The following HSBP1L1 variants were observed in gnomAD, a reference collection of about 807,000 sequenced individuals.
The protein encoded by HSBP1L1 is heat shock factor binding protein 1 like 1.
HSBP1L1 carries 8 observed loss-of-function variants against 9.7 expected under a neutral mutation model. The ratio of observed to expected loss-of-function variants is 0.82; its 90% CI spans 0.48 to 1.48. HSBP1L1 has a LOEUF of 1.48. Among genes scored for constraint, HSBP1L1 ranks in the 40% most tolerant of loss-of-function variants. HSBP1L1 has a pLI of 0.00. For synonymous variants in HSBP1L1, 39 were observed against 34.4 expected, an observed-to-expected ratio of 1.13 and a Z score of -0.46; for missense variants, 106 against 95.8, an observed-to-expected ratio of 1.11 and a Z score of -0.44.
rs1390574065 is a variant in HSBP1L1, at chr18:79,969,317, G to GAA, written c.214-1121_214-1120dup. 8.9e-4 allele frequency among the ~76,000 whole-genome samples: 94 copies of GAA among 105,124 alleles called. 5 individuals carry two copies. The highest frequency in any genetic ancestry group is 3.3e-3 in the African/African-American group (87 of 26,306). The allele number at this position is 105,124 out of a possible 152,430, so 69.0% of individuals were successfully genotyped here. ...GAGGGAGAGAGAGAGAGAAAGGAAA[G>GAA]AAAGAAAGAAAGAAAAAGAAAGAAA... On this transcript the variant is annotated intron_variant, in intron 3 of 3. Transcript: ENST00000451882.
At chr18:79,966,897 C>A in intron 2 of HSBP1L1, 1 of 439,098 alleles carries the variant, frequency 2.3e-6, no homozygotes, top group Non-Finnish European at 4.2e-6. Context: ...GCCTGTAATC[C>A]CAGCACTTTG....
chr18:79,964,840 C>G (rs1394764236), intron 1 of HSBP1L1, 54 bp downstream of exon 1: 2 of 969,502 alleles, frequency 2.1e-6, no homozygotes, highest in African/African-American at 2.2e-5. Context: ...CCCTGCGGTT[C>G]TGGGGGGTTT....
At chr18:79,965,236 C>T (rs1568355216) in intron 1 of HSBP1L1, among the ~76,000 whole-genome samples, 1 of 152,348 alleles carries the variant, frequency 6.6e-6, no homozygotes, top group East Asian at 1.9e-4. Context: ...AATCCTCCCG[C>T]TCCCCAGGCC....
At chr18:79,967,147 C>CAAAAAAAAAAAAAAAAA (rs5826682) in intron 2 of HSBP1L1, among the ~76,000 whole-genome samples, 4 of 105,196 alleles carry the variant, frequency 3.8e-5, no homozygotes, top group African/African-American at 1.5e-4. Flanking sequence ...GACTCCGTCT[C>CAAAAAAAAAAAAAAAAA]AAAAAAAAAA....
chr18:79,964,718 C>A lies in HSBP1L1; in HGVS notation c.-18C>A. ...GGCCCACGGGACCCCCCACTGACGC[C>A]CCCGGCCAGCGGTCCACATGGACGT... On this transcript the variant is annotated 5_prime_UTR_variant, in exon 1 of 4. Transcript: ENST00000451882. 7.1e-7 allele frequency: 1 copy of A among 1,399,540 alleles called. No individual in the cohort carries two copies. The highest frequency in any genetic ancestry group is 9.3e-7 in the Non-Finnish European group (1 of 1,074,144). 86.7% of individuals were successfully genotyped at this position (1,399,540 alleles called of 1,614,324 possible).
In HSBP1L1 at chr18:79,969,295, GGA is replaced by G. The variant is rs60479846; in HGVS notation, c.213+1125_213+1126del. 3.3e-3 allele frequency among the ~76,000 whole-genome samples: 126 copies of G among 38,220 alleles called. 6 individuals carry two copies. Among genetic ancestry groups the G allele is most frequent in the African/African-American group, 0.014 (117 of 8,088 alleles). 25.1% of individuals were successfully genotyped at this position (38,220 alleles called of 152,430 possible). ...GGGAGGGAGGGAGGGAGGGAGGGAGGGAGAGAGAGAGAGAAAGGAAAGAAAGA... is the reference window on the plus strand; with the variant it reads ...GGGAGGGAGGGAGGGAGGGAGGGAGGGAGAGAGAGAGAAAGGAAAGAAAGA... On this transcript the variant is annotated intron_variant, in intron 3 of 3. Transcript: ENST00000451882.
At chr18:79,969,116 G>A (rs1234399469) in intron 3 of HSBP1L1, among the ~76,000 whole-genome samples, 3 of 150,506 alleles carry the variant, frequency 2.0e-5, no homozygotes, top group African/African-American at 7.3e-5. Context: ...GTGAACCCGG[G>A]AGGCAGAGCT....
intron 3 of HSBP1L1, chr18:79,970,038 G>A (rs886269296): frequency 1.7e-5 from 3 of 177,388 alleles, no homozygotes; most frequent in African/African-American, 7.0e-5. Context: ...GAATTCACTA[G>A]GTACCCAGAG....
intron 2 of HSBP1L1, 72 bp from the exon 3 acceptor site, chr18:79,968,017 C>G: frequency 1.1e-6 from 1 of 869,788 alleles, no homozygotes; most frequent in Non-Finnish European, 1.8e-6. Flanking sequence ...GAGGCGGAGT[C>G]TCTGAGGACA....
At chr18:79,969,327 AAGAAAAAG>A (rs1262255892) in intron 3 of HSBP1L1, among the ~76,000 whole-genome samples, 5 of 104,852 alleles carry the variant, frequency 4.8e-5, no homozygotes, top group African/African-American at 1.5e-4. Context: ...GAAAGAAAGA[AAGAAAAAG>A]AAAGAAAGAA....
intron 3 of HSBP1L1, 39 bp from the exon 4 acceptor site, chr18:79,970,401 T>C (rs1317983911): frequency 5.6e-6 from 4 of 718,368 alleles, no homozygotes; most frequent in South Asian, 3.0e-5. Context: ...ATACACCTGA[T>C]AGGAGTTACG....
intron 2 of HSBP1L1, among the ~76,000 whole-genome samples, chr18:79,967,141 C>T (rs1346299859): frequency 9.9e-6 from 1 of 100,988 alleles, no homozygotes; most frequent in Non-Finnish European, 2.2e-5. Context: ...GAGCGAGACT[C>T]CGTCTCAAAA....
At chr18:79,969,250 G>A (rs1313790766) in intron 3 of HSBP1L1, among the ~76,000 whole-genome samples, 1 of 25,142 alleles carries the variant, frequency 4.0e-5, no homozygotes, top group African/African-American at 9.5e-5. Flanking sequence ...GAGAGGAGAG[G>A]AGAGAGAGAG....
intron 1 of HSBP1L1, among the ~76,000 whole-genome samples, chr18:79,966,059 G>C (rs1201714520): frequency 6.6e-6 from 1 of 151,964 alleles, no homozygotes; most frequent in African/African-American, 2.4e-5. Flanking sequence ...AGCCTCCCGA[G>C]TAGCTGGGAC....
chr18:79,967,989 A>C (rs1356597750), intron 2 of HSBP1L1, 100 bp from the exon 3 acceptor site: 1 of 646,584 alleles, frequency 1.5e-6, no homozygotes, highest in Non-Finnish European at 2.7e-6. Flanking sequence ...CTCATTTCAA[A>C]AGTTGCATGT....
intron 1 of HSBP1L1, among the ~76,000 whole-genome samples, chr18:79,966,164 C>T (rs932529556): frequency 6.7e-6 from 1 of 148,938 alleles, no homozygotes; most frequent in African/African-American, 2.4e-5. Context: ...ATCTCCTGAC[C>T]TCCTGATCCA....
At position 79,964,778 on chromosome 18, in the gene HSBP1L1, CG is replaced by C; in HGVS notation, c.46del (p.Asp16ThrfsTer17). On this transcript the variant is annotated frameshift_variant, in exon 1 of 4. Transcript: ENST00000451882. LOFTEE classifies it high-confidence loss of function. The part of the protein sequence containing the change: ...GPEAPGGRAL[R>X]DAAENLFQEL... ...TGAAGCCCCCGGCGGGCGCGCGCTGCGGGACGCGGTGAGCCCCTCCCCGACT... is the reference window on the plus strand; with the variant it reads ...TGAAGCCCCCGGCGGGCGCGCGCTGCGGACGCGGTGAGCCCCTCCCCGACT... 7.1e-7 allele frequency: 1 copy of C among 1,403,256 alleles called. No individual in the cohort carries two copies. Among genetic ancestry groups the C allele is most frequent in the Non-Finnish European group, 9.3e-7 (1 of 1,079,352 alleles). 86.9% of individuals were successfully genotyped at this position (1,403,256 alleles called of 1,614,324 possible).
intron 3 of HSBP1L1, among the ~76,000 whole-genome samples, chr18:79,969,256 G>A (rs2051274754): frequency 4.0e-5 from 1 of 24,756 alleles, no homozygotes; most frequent in Non-Finnish European, 1.1e-4. Context: ...AGAGGAGAGA[G>A]AGAGAGGGAG....
At chr18:79,969,951 G>A (rs1242501794) in intron 3 of HSBP1L1, 1 of 161,866 alleles carries the variant, frequency 6.2e-6, no homozygotes, top group African/African-American at 2.4e-5. Flanking sequence ...CTGTACCTAG[G>A]GGCTTGTCAC....
Sources: gnomAD v4.1 joint callset for allele counts (sites outside exome capture counted in the v4.1 genomes callset) on GRCh38, gnomAD v4.1.1 for gene constraint, MANE v1.5 for transcripts, NCBI Gene and HGNC (gene_info 2026-07-23, HGNC 2026-07-21) for gene names.